MARCHF3: variants seen among roughly 807,000 people sequenced by gnomAD.
The protein encoded by MARCHF3 is E3 ubiquitin-protein ligase MARCHF3.
Under a neutral mutation model 24.2 loss-of-function variants are expected in MARCHF3, and 13 were observed. The observed-to-expected ratio is 0.54, with a 90% CI of 0.35 to 0.85. MARCHF3 has a LOEUF of 0.85. MARCHF3 is among the 40% of genes least tolerant of loss of function. The probability of loss-of-function intolerance (pLI) is 0.01; values close to 1 mark genes in which losing one functional copy is unlikely to be tolerated. For synonymous variants in MARCHF3, 144 were observed against 137.3 expected (o/e 1.05, Z -0.34); for missense variants, 276 against 325.0 (o/e 0.85, Z 1.16).
chr5:126,870,567 T>A lies in MARCHF3; in HGVS notation c.*66A>T. On this transcript the variant is annotated 3_prime_UTR_variant, in exon 5 of 5. Transcript: ENST00000308660. ...AAGGGCTTGGGGGTCGCTCAGTGCA[T>A]GACCCCAGTGCAGACACTTCCAAAC... is the stretch of plus-strand genomic sequence containing the variant. 2 of 1,510,208 alleles carry A rather than the reference T, an allele frequency of 1.3e-6. No homozygotes were observed. Among genetic ancestry groups the A allele is most frequent in the Non-Finnish European group, 1.8e-6 (2 of 1,092,462 alleles). 93.6% of individuals were successfully genotyped at this position (1,510,208 alleles called of 1,614,324 possible). A position where few individuals can be genotyped will look rare whatever the true frequency, so the allele number is the denominator to read the frequency against.
intron 1 of MARCHF3, among the ~76,000 whole-genome samples, chr5:127,028,897 A>G (rs1358390522): frequency 1.3e-5 from 2 of 152,230 alleles, no homozygotes; most frequent in Non-Finnish European, 2.9e-5. Flanking sequence ...TGTTTCTGCT[A>G]AGAGTTGCCC....
chr5:126,932,042 C>A (rs1227572488), intron 1 of MARCHF3, among the ~76,000 whole-genome samples: 1 of 152,228 alleles, frequency 6.6e-6, no homozygotes, highest in African/African-American at 2.4e-5. Context: ...TATAAAGTGC[C>A]TAGCACAAAG....
At position 126,869,767 on chromosome 5, in the gene MARCHF3, C is replaced by G. The variant is rs1430303687; in HGVS notation, c.*866G>C. 6.6e-6 allele frequency: 1 copy of G among 152,250 alleles called. No individual in the cohort carries two copies. The highest frequency in any genetic ancestry group is 1.5e-5 in the Non-Finnish European group (1 of 67,978). 9.4% of individuals were successfully genotyped at this position (152,250 alleles called of 1,614,324 possible). On this transcript the variant is annotated 3_prime_UTR_variant, in exon 5 of 5. Coordinates refer to ENST00000308660, the MANE Select transcript of MARCHF3 (RefSeq NM_178450.5). Reference sequence around the variant, plus strand: ...ATGAGATGGGAGTGAGAACAGCAACCTTTTTGCTTTTCCTTTTTTTCCTTT... The same window carrying G: ...ATGAGATGGGAGTGAGAACAGCAACGTTTTTGCTTTTCCTTTTTTTCCTTT...
rs9687587 is a variant in MARCHF3, at chr5:126,980,826, G to T, written c.-57+49524C>A. On this transcript the variant is annotated intron_variant, in intron 1 of 4. Transcript: ENST00000308660. ...TACTATAGGCATGAAGGAGAGGTAA[G>T]ATTAGTATTTTAAGTTTTTGTTTGT... Among the ~76,000 whole-genome samples, 645 of 152,350 alleles carry T rather than the reference G, an allele frequency of 4.2e-3. 8 individuals carry two copies. Among genetic ancestry groups the T allele is most frequent in the African/African-American group, 0.014 (601 of 41,576 alleles).
intron 1 of MARCHF3, 37 bp from the exon 2 acceptor site, chr5:126,918,264 T>G: frequency 2.2e-6 from 3 of 1,360,658 alleles, no homozygotes; most frequent in Non-Finnish European, 2.9e-6. Context: ...TTGGGCAGGG[T>G]GGCTAATAGA....
At chr5:126,874,377 T>G (rs1753075001) in intron 4 of MARCHF3, among the ~76,000 whole-genome samples, 1 of 152,116 alleles carries the variant, frequency 6.6e-6, no homozygotes, top group South Asian at 2.1e-4. Flanking sequence ...CACCTGAGGT[T>G]GGGAGTTTGA....
At chr5:126,955,269 C>T (rs1342344450) in intron 1 of MARCHF3, among the ~76,000 whole-genome samples, 1 of 152,192 alleles carries the variant, frequency 6.6e-6, no homozygotes, top group Non-Finnish European at 1.5e-5. Flanking sequence ...CATTAAGAGA[C>T]ATTAGGTCTC....
At chr5:126,989,111 C>G (rs1489350729) in intron 1 of MARCHF3, among the ~76,000 whole-genome samples, 1 of 152,016 alleles carries the variant, frequency 6.6e-6, no homozygotes, top group Non-Finnish European at 1.5e-5. Flanking sequence ...GAGACCCCAT[C>G]TCTACAAAAA....
At chr5:126,940,978 T>C (rs2126809574) in intron 1 of MARCHF3, among the ~76,000 whole-genome samples, 1 of 152,270 alleles carries the variant, frequency 6.6e-6, no homozygotes, top group East Asian at 1.9e-4. Flanking sequence ...TGTATATTAT[T>C]TAATGCTTTT....
chr5:127,012,178 C>T (rs988908009), intron 1 of MARCHF3, among the ~76,000 whole-genome samples: 2 of 152,174 alleles, frequency 1.3e-5, no homozygotes, highest in African/African-American at 4.8e-5. Context: ...ATGGGAAACA[C>T]AGTTATTTTT....
At chr5:127,021,740 A>C (rs1049888502) in intron 1 of MARCHF3, among the ~76,000 whole-genome samples, 31 of 152,196 alleles carry the variant, frequency 2.0e-4, no homozygotes, top group Non-Finnish European at 3.8e-4. Context: ...AATTAGGTAG[A>C]TCACCCAAAA....
At chr5:126,878,059 C>G (rs1248467715) in intron 4 of MARCHF3, 126 bp downstream of exon 4, 9 of 848,970 alleles carry the variant, frequency 1.1e-5, no homozygotes, top group Non-Finnish European at 1.7e-5. Context: ...CATGCTCCCG[C>G]CAGCAATCGA....
intron 1 of MARCHF3, among the ~76,000 whole-genome samples, chr5:126,950,833 C>T (rs72780299): frequency 0.01 from 1,547 of 152,294 alleles, 21 homozygotes; most frequent in Non-Finnish European, 0.015. Flanking sequence ...GAAGGCTTTT[C>T]CATTTTTGTC....
chr5:126,905,224 A>C (rs1754244946), intron 3 of MARCHF3, among the ~76,000 whole-genome samples: 5 of 96,150 alleles, frequency 5.2e-5, no homozygotes, highest in African/African-American at 2.1e-4. Flanking sequence ...GTAGCCTTGT[A>C]GTATAGTTTG....
chr5:126,874,586 CAAAAAA>C (rs55934327), intron 4 of MARCHF3, among the ~76,000 whole-genome samples: 8 of 85,610 alleles, frequency 9.3e-5, no homozygotes, highest in East Asian at 3.1e-4. Context: ...AACTCCCTCT[CAAAAAA>C]AAAAAAAAAA....
At chr5:126,992,299 T>C (rs1490379168) in intron 1 of MARCHF3, among the ~76,000 whole-genome samples, 1 of 152,226 alleles carries the variant, frequency 6.6e-6, no homozygotes, top group African/African-American at 2.4e-5. Flanking sequence ...TAATGTCAAA[T>C]CAGCCTGAAA....
At chr5:126,878,057 C>A in intron 4 of MARCHF3, 128 bp downstream of exon 4, 1 of 836,004 alleles carries the variant, frequency 1.2e-6, no homozygotes, top group East Asian at 2.6e-5. Context: ...CTCATGCTCC[C>A]GCCAGCAATC....
intron 1 of MARCHF3, among the ~76,000 whole-genome samples, chr5:126,997,567 A>G (rs1269473231): frequency 6.6e-6 from 1 of 152,188 alleles, no homozygotes; most frequent in Non-Finnish European, 1.5e-5. Context: ...CCTATCACTG[A>G]TACCCCAAGG....
At chr5:126,872,272 C>A (rs1225175536) in intron 4 of MARCHF3, among the ~76,000 whole-genome samples, 2 of 151,770 alleles carry the variant, frequency 1.3e-5, no homozygotes, top group African/African-American at 4.8e-5. Context: ...GTTGGTCAGG[C>A]TGGTCTCGAA....
Sources: allele counts gnomAD v4.1 joint callset (sites outside exome capture counted in the v4.1 genomes callset), GRCh38; gene constraint gnomAD v4.1.1; transcripts MANE v1.5; gene names NCBI Gene and HGNC (gene_info 2026-07-23, HGNC 2026-07-21).